The following RBFOX1 variants were observed in gnomAD, a reference collection of about 807,000 sequenced individuals.
RBFOX1 encodes the protein RNA binding protein fox-1 homolog 1.
A neutral mutation model predicts 57.7 loss-of-function variants in RBFOX1; 8 were observed. The ratio of observed to expected loss-of-function variants is 0.14; its 90% CI spans 0.08 to 0.25. RBFOX1 has a LOEUF of 0.25. Ranked by LOEUF, RBFOX1 falls within the 10% of genes least tolerant of loss-of-function variation. The pLI is 1.00. For missense variants in RBFOX1, 611 were observed against 548.5 expected (o/e 1.11, Z -1.14); for synonymous variants, 326 against 222.4 (o/e 1.47, Z -4.15).
At chr16:7,156,627 G>A (rs2077209941) in intron 4 of RBFOX1, among the ~76,000 whole-genome samples, 1 of 151,942 alleles carries the variant, frequency 6.6e-6, no homozygotes, top group Non-Finnish European at 1.5e-5. Flanking sequence ...ATATACATAT[G>A]CTGGAAGTCT....
At chr16:7,420,391 G>A (rs899810828) in intron 4 of RBFOX1, among the ~76,000 whole-genome samples, 2 of 152,148 alleles carry the variant, frequency 1.3e-5, no homozygotes, top group African/African-American at 4.8e-5. Context: ...GGTATAAGAA[G>A]GAGGTTGGTA....
At chr16:6,379,415 C>T (rs992252160) in intron 2 of RBFOX1, among the ~76,000 whole-genome samples, 1 of 152,148 alleles carries the variant, frequency 6.6e-6, no homozygotes, top group African/African-American at 2.4e-5. Flanking sequence ...CCCCCGCCCC[C>T]CTACTTTCAC....
intron 4 of RBFOX1, among the ~76,000 whole-genome samples, chr16:5,868,382 C>T (rs116586090): frequency 6.6e-6 from 1 of 152,162 alleles, no homozygotes; most frequent in African/African-American, 2.4e-5. Context: ...AAATTGCAAC[C>T]TCAGGCATAA....
At chr16:5,816,433 C>T (rs2055640611) in intron 3 of RBFOX1, among the ~76,000 whole-genome samples, 1 of 152,166 alleles carries the variant, frequency 6.6e-6, no homozygotes, top group Admixed American at 6.5e-5. Flanking sequence ...ACTGCCAAAA[C>T]CATGCCAGCT....
At chr16:7,012,922 G>C (rs867378865) in intron 3 of RBFOX1, among the ~76,000 whole-genome samples, 1 of 152,122 alleles carries the variant, frequency 6.6e-6, no homozygotes, top group Non-Finnish European at 1.5e-5. Flanking sequence ...AAGATGGTCA[G>C]GTCCTGGTGG....
At chr16:6,393,987 G>A (rs148242254) in intron 2 of RBFOX1, among the ~76,000 whole-genome samples, 20 of 152,304 alleles carry the variant, frequency 1.3e-4, no homozygotes, top group Admixed American at 6.5e-4. Context: ...ATCTTGGAAG[G>A]CGTTTTCATT....
chr16:7,506,723 A>AT (rs1357812933), intron 4 of RBFOX1, among the ~76,000 whole-genome samples: 1 of 152,184 alleles, frequency 6.6e-6, no homozygotes, highest in African/African-American at 2.4e-5. Flanking sequence ...AATGTACGAG[A>AT]TCCATGTGTT....
chr16:6,544,697 C>A (rs945059756), intron 2 of RBFOX1, among the ~76,000 whole-genome samples: 7 of 152,146 alleles, frequency 4.6e-5, no homozygotes, highest in South Asian at 2.1e-4. Context: ...CTGTGGGACT[C>A]TATATAAGTT....
At chr16:6,731,645 C>G (rs921043535) in intron 3 of RBFOX1, among the ~76,000 whole-genome samples, 1 of 152,024 alleles carries the variant, frequency 6.6e-6, no homozygotes, top group Non-Finnish European at 1.5e-5. Context: ...CACCCCAGCT[C>G]CCTCACTCCA....
chr16:6,503,648 G>A (rs2096004709), intron 2 of RBFOX1, among the ~76,000 whole-genome samples: 1 of 152,142 alleles, frequency 6.6e-6, no homozygotes, highest in South Asian at 2.1e-4. Context: ...GAGTCTCAGG[G>A]ACCCCAGTGC....
intron 10 of RBFOX1, among the ~76,000 whole-genome samples, chr16:7,616,428 G>C (rs2058456063): frequency 6.6e-6 from 1 of 152,232 alleles, no homozygotes; most frequent in African/African-American, 2.4e-5. Flanking sequence ...AGCTGCACCT[G>C]CATGACTGAC....
chr16:5,627,480 A>G (rs564754735), intron 3 of RBFOX1, among the ~76,000 whole-genome samples: 11 of 152,280 alleles, frequency 7.2e-5, no homozygotes, highest in South Asian at 2.1e-4. Context: ...AGAAAATGCT[A>G]TTGCTTTGAG....
chr16:7,579,730 C>T (rs769111837), intron 5 of RBFOX1, 47 bp from the exon 6 acceptor site: 5 of 1,610,368 alleles, frequency 3.1e-6, no homozygotes, highest in Admixed American at 3.3e-5. Context: ...CGGAAGAGAG[C>T]ACTGTGGTCC....
chr16:6,507,657 C>G (rs2096138974), intron 2 of RBFOX1, among the ~76,000 whole-genome samples: 1 of 152,070 alleles, frequency 6.6e-6, no homozygotes, highest in Non-Finnish European at 1.5e-5. Context: ...GACAGAAATC[C>G]TGTTATATGT....
At chr16:5,806,502 C>A (rs1293928342) in intron 3 of RBFOX1, among the ~76,000 whole-genome samples, 1 of 152,190 alleles carries the variant, frequency 6.6e-6, no homozygotes. Flanking sequence ...TTGCCAAAGG[C>A]CCTTACCTCT....
At chr16:6,897,651 G>A (rs1398145566) in intron 3 of RBFOX1, among the ~76,000 whole-genome samples, 4 of 151,780 alleles carry the variant, frequency 2.6e-5, no homozygotes, top group Admixed American at 2.0e-4. Flanking sequence ...AAATTAGCTG[G>A]GCTTGGTGGC....
At chr16:6,080,164 C>T (rs895922996) in intron 1 of RBFOX1, among the ~76,000 whole-genome samples, 3 of 152,058 alleles carry the variant, frequency 2.0e-5, no homozygotes, top group Non-Finnish European at 4.4e-5. Flanking sequence ...AAGGAGAGAG[C>T]GTGGCAGGTT....
At chr16:5,363,031 CTTTTTTTTTTTTT>C (rs35426149) in intron 1 of RBFOX1, among the ~76,000 whole-genome samples, 9 of 95,404 alleles carry the variant, frequency 9.4e-5, no homozygotes, top group African/African-American at 3.6e-4. Flanking sequence ...GATTTTAATT[CTTTTTTTTTTTTT>C]TTTTTTTGAG....
intron 3 of RBFOX1, among the ~76,000 whole-genome samples, chr16:6,680,408 A>G (rs1183291429): frequency 6.6e-6 from 1 of 151,030 alleles, no homozygotes; most frequent in Non-Finnish European, 1.5e-5. Context: ...GACTACAGGC[A>G]CCTGCCACCA....
Sources: allele counts gnomAD v4.1 joint callset (sites outside exome capture counted in the v4.1 genomes callset), GRCh38; gene constraint gnomAD v4.1.1; transcripts MANE v1.5; gene names NCBI Gene and HGNC (gene_info 2026-07-23, HGNC 2026-07-21).